MED27: variants seen among roughly 807,000 people sequenced by gnomAD.
The protein encoded by MED27 is mediator of RNA polymerase II transcription subunit 27.
In MED27, 30 loss-of-function variants were observed where a neutral mutation model predicts 38.2. That is an observed-to-expected ratio of 0.79 (90% CI 0.59 to 1.07). The LOEUF (loss-of-function observed/expected upper bound fraction) is 1.07, where lower values mean the gene tolerates loss of function less well. Ranked by LOEUF, MED27 falls within the 50% of genes least tolerant of loss-of-function variation. MED27 has a pLI of 0.00. For missense variants in MED27, 289 were observed against 397.5 expected (o/e 0.73, Z 2.32); for synonymous variants, 122 against 153.5 (o/e 0.79, Z 1.52).
chr9:131,973,838 G>T (rs1458580575), intron 3 of MED27, among the ~76,000 whole-genome samples: 1 of 151,570 alleles, frequency 6.6e-6, no homozygotes, highest in Non-Finnish European at 1.5e-5. Flanking sequence ...CTCCCAAGTA[G>T]CTGGGACTAT....
chr9:131,966,442 A>T (rs1831353231), intron 3 of MED27, among the ~76,000 whole-genome samples: 1 of 150,544 alleles, frequency 6.6e-6, no homozygotes, highest in African/African-American at 2.4e-5. Flanking sequence ...ATTTCCACTA[A>T]TGGTCCCTAA....
intron 2 of MED27, among the ~76,000 whole-genome samples, chr9:132,035,704 T>C (rs937080721): frequency 3.9e-5 from 6 of 152,212 alleles, no homozygotes; most frequent in Non-Finnish European, 8.8e-5. Flanking sequence ...GGCTCATGCC[T>C]GTCACCCCGG....
At chr9:131,894,436 G>C (rs1376720755) in intron 4 of MED27, among the ~76,000 whole-genome samples, 1 of 152,124 alleles carries the variant, frequency 6.6e-6, no homozygotes, top group Non-Finnish European at 1.5e-5. Context: ...CAGAGCAAAG[G>C]CAAGTACCAA....
chr9:132,004,952 A>G (rs1479124267), intron 3 of MED27, among the ~76,000 whole-genome samples: 1 of 152,194 alleles, frequency 6.6e-6, no homozygotes. Flanking sequence ...GTCTCACAAC[A>G]TGGGGCACAA....
chr9:131,860,686 C>T lies in MED27; in HGVS notation c.802-14G>A, dbSNP rs575969836. 2.5e-5 allele frequency: 40 copies of T among 1,612,026 alleles called. No homozygotes were observed. The highest frequency in any genetic ancestry group is 1.1e-4 in the East Asian group (5 of 44,820). ...TCTTAACCAGGTCTAAAAAGAGAAACGAGGAGAGAAGTGAAAGAATGGGAT... is the reference window on the plus strand; with the variant it reads ...TCTTAACCAGGTCTAAAAAGAGAAATGAGGAGAGAAGTGAAAGAATGGGAT... On this transcript the variant is annotated splice_polypyrimidine_tract_variant and intron_variant, in intron 7 of 7. Coordinates refer to ENST00000292035, the MANE Select transcript of MED27 (RefSeq NM_004269.4). This position sits in a 1 kb window ranked among gnomAD's most constrained non-coding sequence, Gnocchi z 5.8.
intron 3 of MED27, among the ~76,000 whole-genome samples, chr9:131,962,558 T>G (rs1416030123): frequency 6.7e-6 from 1 of 148,652 alleles, no homozygotes; most frequent in African/African-American, 2.5e-5. Context: ...TTTTTTTTTG[T>G]GATAGGAGTA....
rs571987952 is a variant in MED27, at chr9:132,013,625, T to C, written c.479+712A>G. ...GAACGAATGAACCTAGCATTTATTC[T>C]AATCTCAGCTCTAGCAGGTTCTCTA... On this transcript the variant is annotated intron_variant, in intron 3 of 7. Transcript: ENST00000292035. Among the ~76,000 whole-genome samples, 4 of 152,328 alleles carry C rather than the reference T, an allele frequency of 2.6e-5. No homozygotes were observed. In the South Asian group the frequency reaches 8.3e-4, roughly 32 times the overall value.
At chr9:132,045,429 C>T (rs993063921) in intron 2 of MED27, among the ~76,000 whole-genome samples, 1 of 151,144 alleles carries the variant, frequency 6.6e-6, no homozygotes, top group Non-Finnish European at 1.5e-5. Flanking sequence ...CACACACACA[C>T]ACACACACAC....
chr9:131,892,065 C>A (rs1564271366), intron 5 of MED27, among the ~76,000 whole-genome samples: 1 of 151,440 alleles, frequency 6.6e-6, no homozygotes, highest in Non-Finnish European at 1.5e-5. Flanking sequence ...TTGAGGAACA[C>A]GGGAAGTCTG....
intron 2 of MED27, among the ~76,000 whole-genome samples, chr9:132,034,733 T>G (rs890454061): frequency 6.6e-6 from 1 of 152,174 alleles, no homozygotes; most frequent in African/African-American, 2.4e-5. Context: ...GACTATGCAC[T>G]GACTGTGGCC....
intron 1 of MED27, 35 bp downstream of exon 1, chr9:132,079,607 G>A (rs200717332): frequency 1.9e-6 from 3 of 1,606,610 alleles, no homozygotes; most frequent in Non-Finnish European, 2.6e-6. Context: ...GAGCGGGGCC[G>A]GTCCCCGACC....
intron 2 of MED27, chr9:132,031,754 G>A (rs545499058): frequency 7.9e-5 from 12 of 151,860 alleles, no homozygotes; most frequent in Non-Finnish European, 1.2e-4. Flanking sequence ...TTTAAACTAC[G>A]TACTTATGTT....
chr9:131,903,129 T>C (rs894815996), intron 4 of MED27, among the ~76,000 whole-genome samples: 5 of 152,166 alleles, frequency 3.3e-5, no homozygotes, highest in East Asian at 1.9e-4. Flanking sequence ...ATAACCGACA[T>C]TGGGCAATGT....
At chr9:132,000,298 T>G (rs1292804763) in intron 3 of MED27, among the ~76,000 whole-genome samples, 3 of 151,992 alleles carry the variant, frequency 2.0e-5, no homozygotes, top group East Asian at 2.0e-4. Context: ...TAAACCACAA[T>G]GAGATACCAC....
At position 131,913,761 on chromosome 9, in the gene MED27, C is replaced by T. The variant is rs1426326027; in HGVS notation, c.574-19769G>A. Reference sequence around the variant, plus strand: ...CTGAACCAGATACCCGAGCCTGCCTCCCGCTTTACCCCATCAATTCTGGGG... The same window carrying T: ...CTGAACCAGATACCCGAGCCTGCCTTCCGCTTTACCCCATCAATTCTGGGG... On this transcript the variant is annotated intron_variant, in intron 4 of 7. Transcript: ENST00000292035. This position sits in a 1 kb window ranked among gnomAD's most constrained non-coding sequence, Gnocchi z 4.5. Among the ~76,000 whole-genome samples the T allele has an allele frequency of 1.3e-5, 2 of 152,176 alleles. No individual in the cohort carries two copies. Among genetic ancestry groups the T allele is most frequent in the Non-Finnish European group, 2.9e-5 (2 of 68,042 alleles).
intron 3 of MED27, among the ~76,000 whole-genome samples, chr9:132,013,871 T>G (rs1030346976): frequency 6.6e-6 from 1 of 152,200 alleles, no homozygotes; most frequent in South Asian, 2.1e-4. Context: ...GTTACCATCA[T>G]GCTTGGTTTC....
At position 132,008,864 on chromosome 9, in the gene MED27, T is replaced by C. The variant is rs115543338; in HGVS notation, c.479+5473A>G. Among the ~76,000 whole-genome samples the C allele has an allele frequency of 6.8e-3, 1,043 of 152,306 alleles. 14 individuals are homozygous for C. The highest frequency in any genetic ancestry group is 0.024 in the African/African-American group (996 of 41,570). ...CCCAGACGCTAGCCCTTCACTGCTTTCCTCCACCGTTTAAAAACAAAACCT... is the reference window on the plus strand; with the variant it reads ...CCCAGACGCTAGCCCTTCACTGCTTCCCTCCACCGTTTAAAAACAAAACCT... On this transcript the variant is annotated intron_variant, in intron 3 of 7. Coordinates refer to ENST00000292035, the MANE Select transcript of MED27 (RefSeq NM_004269.4).
intron 3 of MED27, among the ~76,000 whole-genome samples, chr9:131,991,006 AG>A (rs1831959867): frequency 6.6e-6 from 1 of 152,236 alleles, no homozygotes; most frequent in African/African-American, 2.4e-5. Context: ...AGACAGGACT[AG>A]CTATGCTAAA....
At chr9:131,963,393 C>T (rs944299046) in intron 3 of MED27, among the ~76,000 whole-genome samples, 1 of 151,368 alleles carries the variant, frequency 6.6e-6, no homozygotes, top group African/African-American at 2.4e-5. Context: ...AAGTGGCAGG[C>T]CCCCTAACTT....
Sources: allele counts gnomAD v4.1 joint callset (sites outside exome capture counted in the v4.1 genomes callset), GRCh38; gene constraint gnomAD v4.1.1; non-coding constraint Gnocchi (gnomAD v3.1); transcripts MANE v1.5; gene names NCBI Gene and HGNC (gene_info 2026-07-23, HGNC 2026-07-21).